CYTH1: variants seen among roughly 807,000 people sequenced by gnomAD.
The protein encoded by CYTH1 is cytohesin-1.
CYTH1 carries 18 observed loss-of-function variants against 61.8 expected under a neutral mutation model. That is an observed-to-expected ratio of 0.29 (90% CI 0.20 to 0.43). The LOEUF is 0.43. CYTH1 is among the 20% of genes least tolerant of loss of function. The pLI, the probability that CYTH1 is intolerant of heterozygous loss-of-function variation, is 1.00. For synonymous variants in CYTH1, 174 were observed against 184.3 expected, an observed-to-expected ratio of 0.94 and a Z score of 0.45; for missense variants, 336 against 510.5, an observed-to-expected ratio of 0.66 and a Z score of 3.29.
intron 9 of CYTH1, among the ~76,000 whole-genome samples, chr17:78,696,282 C>T (rs1483071995): frequency 6.6e-6 from 1 of 152,132 alleles, no homozygotes; most frequent in Non-Finnish European, 1.5e-5. Flanking sequence ...AAACCTGGCC[C>T]CAAAGATGCC....
chr17:78,700,652 T>C lies in CYTH1; in HGVS notation c.438-209A>G, dbSNP rs1465505003. On this transcript the variant is annotated intron_variant, in intron 6 of 13. Transcript: ENST00000446868. This position sits in a 1 kb window ranked among gnomAD's most constrained non-coding sequence, Gnocchi z 5.1. The stretch of plus-strand genomic sequence containing the variant: ...CAATCTTCTGCCTCAGCCTCCCGAG[T>C]AGCCGGGACTACAGGCACACGCCAC... Among the ~76,000 whole-genome samples the C allele has an allele frequency of 6.6e-6, 1 of 151,920 alleles. No individual in the cohort carries two copies. Among genetic ancestry groups the C allele is most frequent in the African/African-American group, 2.4e-5 (1 of 41,342 alleles).
chr17:78,759,774 G>C (rs752847907), intron 1 of CYTH1, among the ~76,000 whole-genome samples: 1 of 152,120 alleles, frequency 6.6e-6, no homozygotes, highest in African/African-American at 2.4e-5. Context: ...ACAAATTCTT[G>C]TGAAATCATT....
chr17:78,742,178 G>T (rs1017167231), intron 1 of CYTH1, among the ~76,000 whole-genome samples: 1 of 152,168 alleles, frequency 6.6e-6, no homozygotes, highest in Admixed American at 6.5e-5. Context: ...CTTAAGAGCT[G>T]GTCAAAAGAT....
intron 1 of CYTH1, among the ~76,000 whole-genome samples, chr17:78,770,638 C>T (rs919352517): frequency 7.2e-5 from 11 of 151,964 alleles, no homozygotes; most frequent in Non-Finnish European, 1.3e-4. Flanking sequence ...AGGATGGTCT[C>T]GATCTCTTGA....
At chr17:78,728,363 T>C (rs2093277142) in intron 1 of CYTH1, among the ~76,000 whole-genome samples, 4 of 152,084 alleles carry the variant, frequency 2.6e-5, no homozygotes, top group South Asian at 4.1e-4. Context: ...CTGACCAACA[T>C]GGTGAAACCC....
intron 1 of CYTH1, among the ~76,000 whole-genome samples, chr17:78,749,515 C>A (rs1348208486): frequency 6.6e-6 from 1 of 151,926 alleles, no homozygotes; most frequent in Non-Finnish European, 1.5e-5. Flanking sequence ...CCTGTGGTCC[C>A]AGCTACTCAG....
At chr17:78,760,142 G>A (rs999364285) in intron 1 of CYTH1, among the ~76,000 whole-genome samples, 4 of 151,450 alleles carry the variant, frequency 2.6e-5, no homozygotes. Flanking sequence ...ACTAGATTAC[G>A]AACTTTAAAA....
intron 1 of CYTH1, among the ~76,000 whole-genome samples, chr17:78,776,301 G>A (rs1184031910): frequency 2.0e-5 from 3 of 152,096 alleles, no homozygotes; most frequent in Non-Finnish European, 2.9e-5. Flanking sequence ...CCCTTAAAGT[G>A]CATTATATGT....
intron 1 of CYTH1, among the ~76,000 whole-genome samples, chr17:78,746,987 G>T (rs1360947248): frequency 1.3e-5 from 2 of 151,674 alleles, no homozygotes; most frequent in African/African-American, 4.8e-5. Context: ...ATTAAAAAAA[G>T]ATTTGACTCT....
chr17:78,694,892 C>T (rs1447112745), intron 10 of CYTH1, among the ~76,000 whole-genome samples: 1 of 152,094 alleles, frequency 6.6e-6, no homozygotes, highest in Non-Finnish European at 1.5e-5. Flanking sequence ...AACATTTCCA[C>T]GTGGAAAGAA....
chr17:78,705,716 G>A (rs532623700), intron 3 of CYTH1, among the ~76,000 whole-genome samples: 45 of 152,180 alleles, frequency 3.0e-4, no homozygotes, highest in African/African-American at 8.9e-4. Flanking sequence ...CCGTCTTGGC[G>A]CTTTCGATAC....
chr17:78,709,758 A>G (rs1567850678), intron 1 of CYTH1, 26 bp from the exon 2 acceptor site: 2 of 1,611,214 alleles, frequency 1.2e-6, no homozygotes, highest in Non-Finnish European at 8.5e-7. Context: ...GCAATGTTAC[A>G]AGAAAGCTTT....
chr17:78,751,641 A>G (rs927466053), intron 1 of CYTH1, among the ~76,000 whole-genome samples: 1 of 152,222 alleles, frequency 6.6e-6, no homozygotes, highest in Admixed American at 6.5e-5. Context: ...TGACCACGAA[A>G]GGACTACCTT....
chr17:78,692,586 G>A (rs902203552), intron 10 of CYTH1, 93 bp from the exon 11 acceptor site: 3 of 1,242,222 alleles, frequency 2.4e-6, no homozygotes, highest in East Asian at 4.7e-5. Context: ...CTCAGAGAGG[G>A]TTGGGGGAGA....
intron 13 of CYTH1, among the ~76,000 whole-genome samples, chr17:78,678,918 T>G (rs1024213020): frequency 2.0e-5 from 3 of 152,276 alleles, no homozygotes; most frequent in African/African-American, 7.2e-5. Flanking sequence ...CAGCGTGACC[T>G]GGCGCCAAAT....
intron 10 of CYTH1, among the ~76,000 whole-genome samples, chr17:78,693,380 T>C (rs2144190978): frequency 6.6e-6 from 1 of 152,156 alleles, no homozygotes; most frequent in Non-Finnish European, 1.5e-5. Flanking sequence ...CCCAGCACTC[T>C]GGGAGGTCAA....
At chr17:78,725,714 A>G (rs2093263026) in intron 1 of CYTH1, among the ~76,000 whole-genome samples, 1 of 152,212 alleles carries the variant, frequency 6.6e-6, no homozygotes, top group African/African-American at 2.4e-5. Flanking sequence ...GTGTGAACCT[A>G]GGCAAAGGCT....
At chr17:78,741,894 C>A (rs1407512645) in intron 1 of CYTH1, among the ~76,000 whole-genome samples, 2 of 152,176 alleles carry the variant, frequency 1.3e-5, no homozygotes, top group African/African-American at 4.8e-5. Flanking sequence ...ACCCTCAAGC[C>A]AGATCCTGGG....
rs1011360304 is a variant in CYTH1, at chr17:78,770,237, T to C, written c.22+11965A>G. On this transcript the variant is annotated intron_variant, in intron 1 of 13. Transcript: ENST00000446868. The stretch of plus-strand genomic sequence containing the variant: ...TACTTGGGAGGCTGAGGCAGAATAA[T>C]TGCTTGACCCGGGAGGTGGAGGATG... Among the ~76,000 whole-genome samples the C allele has an allele frequency of 3.3e-5, 5 of 150,224 alleles. No homozygotes were observed. The South Asian group carries it at 8.4e-4, about 25-fold the overall frequency.
Sources: allele counts gnomAD v4.1 joint callset (sites outside exome capture counted in the v4.1 genomes callset), GRCh38; gene constraint gnomAD v4.1.1; non-coding constraint Gnocchi (gnomAD v3.1); transcripts MANE v1.5; gene names NCBI Gene and HGNC (gene_info 2026-07-23, HGNC 2026-07-21).